The following GRB10 variants were observed in gnomAD, a reference collection of about 807,000 sequenced individuals.
GRB10 encodes growth factor receptor-bound protein 10.
Under a neutral mutation model 80.9 loss-of-function variants are expected in GRB10, and 20 were observed. The observed-to-expected ratio is 0.25, with a 90% CI of 0.17 to 0.36. The LOEUF (loss-of-function observed/expected upper bound fraction) is 0.36, where lower values mean the gene tolerates loss of function less well. Ranked by LOEUF, GRB10 falls within the 10% of genes least tolerant of loss-of-function variation. GRB10 has a pLI of 1.00. For synonymous variants in GRB10, 291 were observed against 291.5 expected, an observed-to-expected ratio of 1.00 and a Z score of 0.02; for missense variants, 548 against 747.7, an observed-to-expected ratio of 0.73 and a Z score of 3.12.
At position 50,719,881 on chromosome 7, in the gene GRB10, A is replaced by G. The variant is rs10270380; in HGVS notation, c.51+12391T>C. 9.1e-3 allele frequency among the ~76,000 whole-genome samples: 1,377 copies of G among 151,500 alleles called. 13 individuals are homozygous for G. The highest frequency in any genetic ancestry group is 0.031 in the Middle Eastern group (9 of 294). On this transcript the variant is annotated intron_variant, in intron 4 of 18. Transcript: ENST00000401949. ...GTTTTTTTTTTTCTTAAGTCATACT[A>G]TCAAGTGATCAAATCCGAGTTCCTG...
intron 7 of GRB10, among the ~76,000 whole-genome samples, chr7:50,642,659 T>C (rs2056473582): frequency 6.6e-6 from 1 of 152,210 alleles, no homozygotes; most frequent in Non-Finnish European, 1.5e-5. Context: ...AGCTAGTAAG[T>C]GTACTGCAAA....
chr7:50,665,106 G>A (rs1218074344), intron 7 of GRB10, among the ~76,000 whole-genome samples: 1 of 152,186 alleles, frequency 6.6e-6, no homozygotes, highest in Non-Finnish European at 1.5e-5. Flanking sequence ...ACTCACTGCT[G>A]ACAAGGAGGA....
chr7:50,733,702 T>G (rs761141564), intron 3 of GRB10, among the ~76,000 whole-genome samples: 83 of 152,346 alleles, frequency 5.4e-4, no homozygotes, highest in Non-Finnish European at 7.2e-4. Context: ...CTCAGCCTTC[T>G]CCGGCTCACA....
intron 8 of GRB10, 90 bp downstream of exon 8, chr7:50,626,732 G>T: frequency 6.9e-7 from 1 of 1,441,506 alleles, no homozygotes; most frequent in Non-Finnish European, 9.8e-7. Context: ...GGGACACTGC[G>T]GTCACACATT....
intron 8 of GRB10, among the ~76,000 whole-genome samples, chr7:50,626,434 G>A (rs960388402): frequency 6.6e-6 from 1 of 152,222 alleles, no homozygotes; most frequent in African/African-American, 2.4e-5. Context: ...CAGAAGGGCA[G>A]CTGCAATCCT....
chr7:50,790,556 A>T (rs2078868888), intron 1 of GRB10, among the ~76,000 whole-genome samples: 1 of 152,274 alleles, frequency 6.6e-6, no homozygotes, highest in African/African-American at 2.4e-5. Context: ...CAAACGTGCA[A>T]AGGCACAGGC....
At chr7:50,767,671 A>C (rs6958297) in intron 2 of GRB10, among the ~76,000 whole-genome samples, 18,233 of 152,118 alleles carry the variant, frequency 0.12, 3,682 homozygotes, top group African/African-American at 0.42. Context: ...TTCAGCTCCC[A>C]ACCCATCCTT....
At chr7:50,628,180 T>C (rs1257438937) in intron 7 of GRB10, among the ~76,000 whole-genome samples, 2 of 152,206 alleles carry the variant, frequency 1.3e-5, no homozygotes, top group African/African-American at 2.4e-5. Context: ...CTGAAACACG[T>C]GCGTTCTCTG....
chr7:50,792,039 C>T (rs2078939335), intron 1 of GRB10, among the ~76,000 whole-genome samples: 2 of 152,110 alleles, frequency 1.3e-5, no homozygotes, highest in Admixed American at 6.5e-5. Flanking sequence ...CCGGTTGCTG[C>T]GCTAACAACA....
chr7:50,774,648 G>A (rs914864355), intron 2 of GRB10, among the ~76,000 whole-genome samples: 23 of 152,096 alleles, frequency 1.5e-4, no homozygotes, highest in African/African-American at 5.6e-4. Flanking sequence ...AAGTGATAAG[G>A]CCATAAGGAG....
chr7:50,632,249 G>A (rs750548199), intron 7 of GRB10, among the ~76,000 whole-genome samples: 16 of 152,100 alleles, frequency 1.1e-4, no homozygotes, highest in Non-Finnish European at 1.8e-4. Context: ...AAGAGAACAC[G>A]CATAATAATC....
At chr7:50,711,970 G>A (rs1411423569) in intron 4 of GRB10, among the ~76,000 whole-genome samples, 1 of 152,038 alleles carries the variant, frequency 6.6e-6, no homozygotes, top group Non-Finnish European at 1.5e-5. Flanking sequence ...CGTAAGCGTG[G>A]GTGTGAGACC....
intron 5 of GRB10, among the ~76,000 whole-genome samples, chr7:50,697,262 G>A (rs1213604356): frequency 1.3e-5 from 2 of 152,160 alleles, no homozygotes; most frequent in African/African-American, 2.4e-5. Flanking sequence ...GCCACTTAAT[G>A]TACACTTATA....
At chr7:50,597,177 C>G (rs1041628789) in intron 17 of GRB10, among the ~76,000 whole-genome samples, 1 of 152,238 alleles carries the variant, frequency 6.6e-6, no homozygotes, top group Non-Finnish European at 1.5e-5. Flanking sequence ...AACTGCCTAG[C>G]AGTTTTCCAA....
At chr7:50,612,960 G>C in intron 12 of GRB10, 121 bp from the exon 13 acceptor site, 1 of 719,736 alleles carries the variant, frequency 1.4e-6, no homozygotes, top group Non-Finnish European at 2.6e-6. Flanking sequence ...CCCTAGCAAG[G>C]AGCACAGCAG....
chr7:50,677,024 C>T (rs1395254589), intron 5 of GRB10, among the ~76,000 whole-genome samples: 1 of 152,090 alleles, frequency 6.6e-6, no homozygotes, highest in Non-Finnish European at 1.5e-5. Context: ...TGGGGAGCAT[C>T]AGGCTGGAAG....
chr7:50,662,668 A>G (rs1391461358), intron 7 of GRB10, among the ~76,000 whole-genome samples: 3 of 152,250 alleles, frequency 2.0e-5, no homozygotes, highest in African/African-American at 4.8e-5. Context: ...GTGGAGCTTC[A>G]GGACCTTGGT....
chr7:50,684,872 G>A (rs76382691), intron 5 of GRB10, among the ~76,000 whole-genome samples: 3,124 of 152,170 alleles, frequency 0.021, 125 homozygotes, highest in African/African-American at 0.071. Flanking sequence ...CACAAGTCAC[G>A]GAGAAGCAGA....
chr7:50,596,546 G>A (rs558600497), intron 17 of GRB10, among the ~76,000 whole-genome samples: 2 of 152,238 alleles, frequency 1.3e-5, no homozygotes, highest in Admixed American at 1.3e-4. Flanking sequence ...TGCTATAAAG[G>A]AGGCAATTAG....
Sources: gnomAD v4.1 joint callset for allele counts (sites outside exome capture counted in the v4.1 genomes callset) on GRCh38, gnomAD v4.1.1 for gene constraint, MANE v1.5 for transcripts, NCBI Gene and HGNC (gene_info 2026-07-23, HGNC 2026-07-21) for gene names.